DTNBP1: variants seen among roughly 807,000 people sequenced by gnomAD.
The protein encoded by DTNBP1 is dystrobrevin binding protein 1.
DTNBP1 carries 35 observed loss-of-function variants against 42.8 expected under a neutral mutation model. The observed-to-expected ratio is 0.82, with a 90% CI of 0.63 to 1.09. DTNBP1 has a LOEUF of 1.09. Ranked by LOEUF, DTNBP1 falls within the 50% of genes least tolerant of loss-of-function variation. The pLI is 0.00. For synonymous variants in DTNBP1, 171 were observed against 162.2 expected, an observed-to-expected ratio of 1.05 and a Z score of -0.41; for missense variants, 457 against 424.2, an observed-to-expected ratio of 1.08 and a Z score of -0.68.
At chr6:15,599,481 C>T (rs1776640855) in intron 6 of DTNBP1, among the ~76,000 whole-genome samples, 1 of 152,104 alleles carries the variant, frequency 6.6e-6, no homozygotes, top group Non-Finnish European at 1.5e-5. Flanking sequence ...TCAAGTTTAG[C>T]CCTAACAGAA....
At chr6:15,657,814 A>G (rs1015655732) in intron 1 of DTNBP1, among the ~76,000 whole-genome samples, 1 of 152,230 alleles carries the variant, frequency 6.6e-6, no homozygotes, top group Non-Finnish European at 1.5e-5. Context: ...AAGATATTCT[A>G]TTATTAGGCA....
intron 7 of DTNBP1, among the ~76,000 whole-genome samples, chr6:15,592,404 T>C (rs1776336747): frequency 6.6e-6 from 1 of 152,182 alleles, no homozygotes; most frequent in South Asian, 2.1e-4. Context: ...GGAAGAACCT[T>C]GAGCTGCTGG....
intron 4 of DTNBP1, among the ~76,000 whole-genome samples, chr6:15,634,142 T>C (rs1015918656): frequency 1.4e-4 from 21 of 151,090 alleles, no homozygotes; most frequent in Non-Finnish European, 2.6e-4. Flanking sequence ...AGACTTTTCC[T>C]CGTCTTTCAA....
At chr6:15,528,278 G>GA (rs1205652021) in intron 8 of DTNBP1, among the ~76,000 whole-genome samples, 1 of 152,198 alleles carries the variant, frequency 6.6e-6, no homozygotes, top group Non-Finnish European at 1.5e-5. Flanking sequence ...CAGCACTCCT[G>GA]ACACTTTGTG....
At chr6:15,531,010 G>C (rs1772781993) in intron 8 of DTNBP1, among the ~76,000 whole-genome samples, 1 of 152,170 alleles carries the variant, frequency 6.6e-6, no homozygotes, top group Non-Finnish European at 1.5e-5. Context: ...GATGAGGTCA[G>C]ATGGACATGG....
intron 4 of DTNBP1, among the ~76,000 whole-genome samples, chr6:15,631,926 C>T (rs1301691479): frequency 1.3e-5 from 2 of 152,224 alleles, no homozygotes; most frequent in Non-Finnish European, 2.9e-5. Flanking sequence ...AGAAACAAAA[C>T]TGTCATCTGC....
At position 15,522,832 on chromosome 6, in the gene DTNBP1, AG is replaced by A; in HGVS notation, c.*142del. 7.1e-7 allele frequency: 1 copy of A among 1,417,334 alleles called. No homozygotes were observed. Among genetic ancestry groups the A allele is most frequent in the Non-Finnish European group, 9.8e-7 (1 of 1,018,762 alleles). 87.8% of individuals were successfully genotyped at this position (1,417,334 alleles called of 1,614,324 possible). Reference sequence around the variant, plus strand: ...TTTACCGTCCTCACACTTTATTGTTAGCTGTTCTTTAAGTTTCTCACACATT... The same window carrying A: ...TTTACCGTCCTCACACTTTATTGTTACTGTTCTTTAAGTTTCTCACACATT... On this transcript the variant is annotated 3_prime_UTR_variant, in exon 10 of 10. Transcript: ENST00000344537.
intron 7 of DTNBP1, among the ~76,000 whole-genome samples, chr6:15,577,300 G>A (rs1561969788): frequency 6.6e-6 from 1 of 152,244 alleles, no homozygotes; most frequent in Non-Finnish European, 1.5e-5. Flanking sequence ...TGTGATGGGA[G>A]GCCACAGAGA....
intron 7 of DTNBP1, among the ~76,000 whole-genome samples, chr6:15,551,827 C>T (rs774745567): frequency 3.9e-5 from 6 of 152,214 alleles, no homozygotes; most frequent in Admixed American, 6.5e-5. Context: ...GCACAGTAAA[C>T]GCCAGATATC....
chr6:15,523,524 T>C, intron 9 of DTNBP1: 1 of 1,277,412 alleles, frequency 7.8e-7, no homozygotes, highest in African/African-American at 1.5e-5. Context: ...CTGCCTATCT[T>C]TGAGGAGCAG....
chr6:15,566,314 C>CAAAA (rs34136394), intron 7 of DTNBP1, among the ~76,000 whole-genome samples: 2 of 90,458 alleles, frequency 2.2e-5, no homozygotes, highest in South Asian at 4.0e-4. Flanking sequence ...GACTCCGTCT[C>CAAAA]AAAAAAAAAA....
intron 3 of DTNBP1, among the ~76,000 whole-genome samples, chr6:15,639,350 T>C (rs536839559): frequency 1.1e-3 from 173 of 152,372 alleles, no homozygotes; most frequent in Middle Eastern, 3.4e-3. Flanking sequence ...CTACTATTCA[T>C]TTGATTGCTG....
intron 7 of DTNBP1, among the ~76,000 whole-genome samples, chr6:15,580,055 T>C (rs1015475828): frequency 6.6e-6 from 1 of 152,108 alleles, no homozygotes; most frequent in African/African-American, 2.4e-5. Context: ...AAAAGGCAAA[T>C]AATTAGTTGA....
chr6:15,568,174 C>A (rs576354559), intron 7 of DTNBP1, among the ~76,000 whole-genome samples: 1 of 152,138 alleles, frequency 6.6e-6, no homozygotes, highest in African/African-American at 2.4e-5. Flanking sequence ...CTTCTGTATA[C>A]CTGGAATAAA....
At chr6:15,525,869 C>T (rs1016226289) in intron 8 of DTNBP1, among the ~76,000 whole-genome samples, 3 of 152,168 alleles carry the variant, frequency 2.0e-5, no homozygotes, top group African/African-American at 7.2e-5. Context: ...TTTCCCAAAT[C>T]GATGAAAGAC....
chr6:15,655,728 C>T (rs1468988409), intron 1 of DTNBP1, among the ~76,000 whole-genome samples: 4 of 150,352 alleles, frequency 2.7e-5, no homozygotes, highest in African/African-American at 7.3e-5. Context: ...TTGATTGTTT[C>T]CAACTATTAT....
In DTNBP1 at chr6:15,546,044, C is replaced by T. The variant is rs191384800; in HGVS notation, c.512-12649G>A. 9.4e-4 allele frequency: 415 copies of T among 439,692 alleles called. 1 individual carries two copies. Among genetic ancestry groups the T allele is most frequent in the African/African-American group, 7.6e-3 (355 of 46,604 alleles). The allele number at this position is 439,692 out of a possible 1,614,324, so 27.2% of individuals were successfully genotyped here. A position where few individuals can be genotyped will look rare whatever the true frequency, so the allele number is the denominator to read the frequency against. ...AGGGTGGAGCTGGCTGAATATGGAT[C>T]GGAAGGTCACCTCCAGTTCTTTTTT... On this transcript the variant is annotated intron_variant, in intron 7 of 9. Coordinates refer to ENST00000344537, the MANE Select transcript of DTNBP1 (RefSeq NM_032122.5).
intron 7 of DTNBP1, among the ~76,000 whole-genome samples, chr6:15,577,660 A>T (rs1026437159): frequency 4.6e-5 from 7 of 152,236 alleles, no homozygotes; most frequent in Non-Finnish European, 8.8e-5. Flanking sequence ...GGTTGAGTTT[A>T]AGATGCCAGT....
At chr6:15,628,703 G>A (rs747502073) in intron 4 of DTNBP1, among the ~76,000 whole-genome samples, 5 of 152,040 alleles carry the variant, frequency 3.3e-5, no homozygotes, top group Non-Finnish European at 5.9e-5. Flanking sequence ...CACTGTGCCC[G>A]GCCAGGATTA....
Sources: gnomAD v4.1 joint callset for allele counts (sites outside exome capture counted in the v4.1 genomes callset) on GRCh38, gnomAD v4.1.1 for gene constraint, MANE v1.5 for transcripts, NCBI Gene and HGNC (gene_info 2026-07-23, HGNC 2026-07-21) for gene names.